Variants in LRRC8D observed in about 807,000 individuals in gnomAD.
LRRC8D encodes leucine rich repeat containing 8 VRAC subunit D, also known as volume-regulated anion channel subunit LRRC8D.
A neutral mutation model predicts 55.8 loss-of-function variants in LRRC8D; 20 were observed. The ratio of observed to expected loss-of-function variants is 0.36; its 90% confidence interval spans 0.25 to 0.52. The LOEUF is 0.52. LRRC8D is among the 20% of genes least tolerant of loss of function. The pLI, the probability that LRRC8D is intolerant of heterozygous loss-of-function variation, is 0.93. For missense variants in LRRC8D, 651 were observed against 1,030.8 expected, an observed-to-expected ratio of 0.63 and a Z score of 5.05; for synonymous variants, 352 against 377.0, an observed-to-expected ratio of 0.93 and a Z score of 0.77.
intron 1 of LRRC8D, among the ~76,000 whole-genome samples, chr1:89,825,592 A>T (rs1021704782): frequency 1.3e-5 from 2 of 152,218 alleles, no homozygotes; most frequent in African/African-American, 4.8e-5. Context: ...ATATGCCTCA[A>T]ATATTTAGTG....
chr1:89,927,386 T>C (rs1328566222), intron 2 of LRRC8D, among the ~76,000 whole-genome samples: 1 of 152,266 alleles, frequency 6.6e-6, no homozygotes, highest in Non-Finnish European at 1.5e-5. Flanking sequence ...AGATCATTCA[T>C]TCTTGTTGCT....
At chr1:89,870,144 T>C (rs1661968520) in intron 2 of LRRC8D, among the ~76,000 whole-genome samples, 1 of 151,736 alleles carries the variant, frequency 6.6e-6, no homozygotes, top group African/African-American at 2.4e-5. Context: ...CTGAATTTCA[T>C]ATCCAGCCAA....
intron 2 of LRRC8D, among the ~76,000 whole-genome samples, chr1:89,845,344 C>T (rs1469661009): frequency 1.3e-5 from 2 of 152,196 alleles, no homozygotes; most frequent in African/African-American, 4.8e-5. Context: ...CCTAGATAGA[C>T]ATGAACTTCG....
In LRRC8D at chr1:89,933,134, A is replaced by G. The variant is rs1351360964; in HGVS notation, c.66A>G (p.Pro22=). 3 of 1,613,896 alleles carry G rather than the reference A, an allele frequency of 1.9e-6. No individual in the cohort carries two copies. The highest frequency in any genetic ancestry group is 2.2e-5 in the South Asian group (2 of 91,090). The part of the protein sequence containing the change: ...DIQPTYRILK[P]WWDVFMDYLA... ...AGCCAACTTACCGAATCCTGAAACC[A>G]TGGTGGGATGTGTTTATGGATTACC... is the stretch of plus-strand genomic sequence containing the variant. The change falls in exon 3 of 3, where the codon CCA becomes CCG. Residue 22 remains proline (P), a synonymous_variant. Transcript: ENST00000337338. The surrounding 1 kb of genome is among the most constrained non-coding windows in gnomAD (Gnocchi z 7.0).
intron 2 of LRRC8D, among the ~76,000 whole-genome samples, chr1:89,860,284 A>G (rs1463857689): frequency 6.6e-6 from 1 of 152,228 alleles, no homozygotes; most frequent in Non-Finnish European, 1.5e-5. Flanking sequence ...TCAGATCAAT[A>G]GCATTTTAAA....
chr1:89,839,517 G>T (rs1284733542), intron 1 of LRRC8D, among the ~76,000 whole-genome samples: 1 of 152,128 alleles, frequency 6.6e-6, no homozygotes, highest in Non-Finnish European at 1.5e-5. Context: ...GCGACCCCTT[G>T]CTGCATTTTG....
Position 89,911,543 on chromosome 1 carries a change from C to T in LRRC8D, c.-2-21524C>T, listed in dbSNP as rs1365948059. On this transcript the variant is annotated intron_variant, in intron 2 of 2. Coordinates refer to ENST00000337338, the MANE Select transcript of LRRC8D (RefSeq NM_001134479.2). This position sits in a 1 kb window ranked among gnomAD's most constrained non-coding sequence, Gnocchi z 4.0. The stretch of plus-strand genomic sequence containing the variant: ...TTGGTACTCTCTCACCCTGCTACTT[C>T]CAACTTTTACCCCTCTACTCCTTTC... Among the ~76,000 whole-genome samples the T allele has an allele frequency of 6.6e-6, 1 of 152,168 alleles. No individual in the cohort carries two copies. Among genetic ancestry groups the T allele is most frequent in the Non-Finnish European group, 1.5e-5 (1 of 68,040 alleles).
chr1:89,871,616 T>G (rs1662009045), intron 2 of LRRC8D, among the ~76,000 whole-genome samples: 3 of 152,240 alleles, frequency 2.0e-5, no homozygotes, highest in Admixed American at 2.0e-4. Context: ...ATTAATACTC[T>G]TGTTTCTTTC....
intron 1 of LRRC8D, among the ~76,000 whole-genome samples, chr1:89,842,469 C>CT (rs1413810332): frequency 6.6e-6 from 1 of 152,222 alleles, no homozygotes; most frequent in East Asian, 1.9e-4. Context: ...TGAGTAGGAG[C>CT]TTAATATCTA....
rs72965665 is a variant in LRRC8D at position 89,844,944 on chromosome 1, C to T, written c.-3+1162C>T. On this transcript the variant is annotated intron_variant, in intron 2 of 2. Coordinates refer to ENST00000337338, the MANE Select transcript of LRRC8D (RefSeq NM_001134479.2). ...GTAGCATCTTCTTAATTTTTATTTC[C>T]GAGGAAGGGATGTGAGCATATGACT... Among the ~76,000 whole-genome samples, 568 of 152,152 alleles carry T rather than the reference C, an allele frequency of 3.7e-3. 2 individuals are homozygous for T. The highest frequency in any genetic ancestry group is 0.013 in the African/African-American group (544 of 41,494).
intron 2 of LRRC8D, among the ~76,000 whole-genome samples, chr1:89,872,751 C>A (rs949230869): frequency 9.9e-5 from 15 of 152,198 alleles, no homozygotes; most frequent in Non-Finnish European, 1.8e-4. Context: ...TGCCCCTCCC[C>A]TCTTAGATGA....
intron 2 of LRRC8D, among the ~76,000 whole-genome samples, chr1:89,928,235 TA>T (rs1229610721): frequency 6.6e-6 from 1 of 152,150 alleles, no homozygotes; most frequent in Non-Finnish European, 1.5e-5. Flanking sequence ...CAAGCCCCGC[TA>T]ATTTTTGTAT....
intron 2 of LRRC8D, among the ~76,000 whole-genome samples, chr1:89,901,084 G>C (rs951856367): frequency 1.3e-5 from 2 of 152,200 alleles, no homozygotes; most frequent in Non-Finnish European, 2.9e-5. Context: ...TATCCTATCA[G>C]AAGACCAAAT....
chr1:89,915,050 T>A (rs865895224), intron 2 of LRRC8D, among the ~76,000 whole-genome samples: 1 of 151,194 alleles, frequency 6.6e-6, no homozygotes, highest in Middle Eastern at 3.4e-3. Flanking sequence ...GTGTGTGGTG[T>A]GTGTGTATGT....
intron 2 of LRRC8D, among the ~76,000 whole-genome samples, chr1:89,859,813 T>C (rs1474019881): frequency 1.3e-5 from 2 of 152,224 alleles, no homozygotes; most frequent in Non-Finnish European, 2.9e-5. Context: ...ACAATCTAGG[T>C]ATTAGAGCAG....
At chr1:89,834,779 G>A (rs952250763) in intron 1 of LRRC8D, among the ~76,000 whole-genome samples, 4 of 152,214 alleles carry the variant, frequency 2.6e-5, no homozygotes, top group Non-Finnish European at 5.9e-5. Flanking sequence ...GTGACAGGTA[G>A]AGAATTGATG....
chr1:89,934,707 A>G lies in LRRC8D; in HGVS notation c.1639A>G (p.Thr547Ala), dbSNP rs747479227. The G allele has an allele frequency of 5.6e-6, 9 of 1,614,040 alleles. No individual in the cohort carries two copies. In the East Asian group the frequency reaches 1.8e-4, roughly 32 times the overall value. Residue 547 changes from threonine to alanine, a missense_variant, in exon 3 of 3, where the codon ACT becomes GCT. Transcript: ENST00000337338. This position sits in a 1 kb window ranked among gnomAD's most constrained non-coding sequence, Gnocchi z 5.9. ...DHLRCLHVKF[T>A]DVAEIPAWVY... is the part of the protein sequence containing the mutation. ...CTTGAGATGCCTTCACGTGAAGTTC[A>G]CTGATGTGGCTGAAATTCCTGCCTG...
intron 2 of LRRC8D, among the ~76,000 whole-genome samples, chr1:89,921,630 C>T (rs1381380765): frequency 4.6e-5 from 7 of 152,168 alleles, no homozygotes; most frequent in African/African-American, 7.2e-5. Context: ...CTACAACCTC[C>T]GCCTCCCAAC....
chr1:89,829,966 A>C (rs965570168), intron 1 of LRRC8D, among the ~76,000 whole-genome samples: 1 of 152,264 alleles, frequency 6.6e-6, no homozygotes. Flanking sequence ...TCATGTAAAG[A>C]TATACCTAAT....
Sources: gnomAD v4.1 joint callset for allele counts (sites outside exome capture counted in the v4.1 genomes callset) on GRCh38, gnomAD v4.1.1 for gene constraint, Gnocchi (gnomAD v3.1) non-coding constraint, MANE v1.5 for transcripts, NCBI Gene and HGNC (gene_info 2026-07-23, HGNC 2026-07-21) for gene names.